Variants in CABIN1 observed in about 807,000 individuals in gnomAD.
The protein encoded by CABIN1 is calcineurin-binding protein cabin-1.
In CABIN1, 133 loss-of-function variants were observed where a neutral mutation model predicts 227.7. The observed-to-expected ratio is 0.58, with a 90% CI of 0.51 to 0.67. CABIN1 has a LOEUF of 0.67. CABIN1 is among the 30% of genes least tolerant of loss of function. The probability of loss-of-function intolerance (pLI) is 0.00; values close to 1 mark genes in which losing one functional copy is unlikely to be tolerated. For synonymous variants in CABIN1, 1,086 were observed against 1,155.1 expected, an observed-to-expected ratio of 0.94 and a Z score of 1.21; for missense variants, 2,408 against 2,852.5, an observed-to-expected ratio of 0.84 and a Z score of 3.55.
At chr22:24,135,409 C>G (rs1331272193) in intron 29 of CABIN1, among the ~76,000 whole-genome samples, 1 of 152,064 alleles carries the variant, frequency 6.6e-6, no homozygotes, top group Non-Finnish European at 1.5e-5. Context: ...AAGAGTGTGA[C>G]CAATATTGGG....
Position 24,134,285 on chromosome 22 carries a change from ACTT to A in CABIN1, c.4633-13_4633-11del, listed in dbSNP as rs778218870. 3.1e-6 allele frequency: 5 copies of A among 1,604,908 alleles called. No individual in the cohort carries two copies. In the African/African-American group the frequency reaches 5.4e-5, roughly 17 times the overall value. On this transcript the variant is annotated splice_polypyrimidine_tract_variant and intron_variant, in intron 28 of 36. Coordinates refer to ENST00000263119, the MANE Select transcript of CABIN1 (RefSeq NM_012295.4). ...CAGCCCACACACTCACTTTCAACCTACTTCTTGTTTCCCCAGAACCTCCAGTGG... is the reference window on the plus strand; with the variant it reads ...CAGCCCACACACTCACTTTCAACCTACTTGTTTCCCCAGAACCTCCAGTGG...
At chr22:24,056,126 GTC>G in intron 9 of CABIN1, 64 bp from the exon 10 acceptor site, 1 of 1,344,344 alleles carries the variant, frequency 7.4e-7, no homozygotes, top group South Asian at 1.2e-5. Flanking sequence ...AGATTGATGT[GTC>G]TGTGTGGTGC....
In CABIN1 at chr22:24,150,330, C is replaced by T. The variant is rs192316393; in HGVS notation, c.4747-14070C>T. Among the ~76,000 whole-genome samples the T allele has an allele frequency of 4.3e-3, 657 of 152,290 alleles. 5 individuals carry two copies. The highest frequency in any genetic ancestry group is 0.013 in the South Asian group (61 of 4,830). On this transcript the variant is annotated intron_variant, in intron 29 of 36. Coordinates refer to ENST00000263119, the MANE Select transcript of CABIN1 (RefSeq NM_012295.4). ...GCTTGGGAGCTCTCCTGGAGGCCTG[C>T]GCTGACCTTGCAGTTGGCCAGATTG... is the stretch of plus-strand genomic sequence containing the variant.
At chr22:24,121,078 G>T (rs6004062) in intron 28 of CABIN1, among the ~76,000 whole-genome samples, 1 of 151,790 alleles carries the variant, frequency 6.6e-6, no homozygotes, top group Admixed American at 6.6e-5. Context: ...GAGAGGGCCA[G>T]GTATGCTGGG....
chr22:24,138,737 G>A (rs2044567046), intron 29 of CABIN1, among the ~76,000 whole-genome samples: 1 of 152,170 alleles, frequency 6.6e-6, no homozygotes, highest in African/African-American at 2.4e-5. Context: ...GGAAGCTCAG[G>A]AACCTGTCCT....
At chr22:24,123,566 G>C (rs1218145182) in intron 28 of CABIN1, among the ~76,000 whole-genome samples, 10 of 152,228 alleles carry the variant, frequency 6.6e-5, no homozygotes, top group Admixed American at 6.5e-4. Flanking sequence ...TAGCTCCCCT[G>C]AGAGCCTGAG....
chr22:24,115,614 C>G (rs1215123219), intron 27 of CABIN1, among the ~76,000 whole-genome samples: 2 of 152,196 alleles, frequency 1.3e-5, no homozygotes, highest in Non-Finnish European at 2.9e-5. Context: ...GAGCAGAGCA[C>G]TCATCCAGGC....
At chr22:24,052,968 C>G (rs2038468732) in intron 8 of CABIN1, among the ~76,000 whole-genome samples, 1 of 151,996 alleles carries the variant, frequency 6.6e-6, no homozygotes. Context: ...AAATGTAACA[C>G]TAACTGAAGG....
chr22:24,084,578 G>C lies in CABIN1; in HGVS notation c.2911-1G>C, dbSNP rs2147074621. 6.2e-7 allele frequency: 1 copy of C among 1,613,216 alleles called. No individual in the cohort carries two copies. Among genetic ancestry groups the C allele is most frequent in the Non-Finnish European group, 8.5e-7 (1 of 1,179,358 alleles). ...AATCTGCCTTCTGTCTTTTTTTCAA[G>C]GTGGATCTTATATGGGAGGATGCAC... is the stretch of plus-strand genomic sequence containing the variant. On this transcript the variant is annotated splice_acceptor_variant, in intron 20 of 36. Transcript: ENST00000263119. LOFTEE classifies it high-confidence loss of function.
rs1288454997 is a variant in CABIN1, at chr22:24,125,778, T to C, written c.4632+6080T>C. Among the ~76,000 whole-genome samples, 4 of 152,258 alleles carry C rather than the reference T, an allele frequency of 2.6e-5. No individual in the cohort carries two copies. In the East Asian group the frequency reaches 5.8e-4, roughly 22 times the overall value. On this transcript the variant is annotated intron_variant, in intron 28 of 36. Transcript: ENST00000263119. Reference sequence around the variant, plus strand: ...CTGCAGCTCCCAACCAGCCAGGTTCTTGTCAAGCTTTAGTTTGTATAGTTT... The same window carrying C: ...CTGCAGCTCCCAACCAGCCAGGTTCCTGTCAAGCTTTAGTTTGTATAGTTT...
At chr22:24,064,568 G>A (rs1366274979) in intron 15 of CABIN1, among the ~76,000 whole-genome samples, 1 of 148,114 alleles carries the variant, frequency 6.8e-6, no homozygotes, top group Non-Finnish European at 1.5e-5. Context: ...TCGCAGAGGG[G>A]GATTTGGCAG....
At position 24,178,525 on chromosome 22, in the gene CABIN1, C is replaced by T. The variant is rs1285877024; in HGVS notation, c.*329C>T. The stretch of plus-strand genomic sequence containing the variant: ...GCTGGCCATATCCACCCCTCGACGC[C>T]GGGATGAGCCGGCTCTGCCTGTGTC... On this transcript the variant is annotated 3_prime_UTR_variant, in exon 37 of 37. Transcript: ENST00000263119. 3.5e-5 allele frequency: 13 copies of T among 376,142 alleles called. No homozygotes were observed. The highest frequency in any genetic ancestry group is 1.0e-4 in the African/African-American group (5 of 48,170). 23.3% of individuals were successfully genotyped at this position (376,142 alleles called of 1,614,324 possible).
chr22:24,022,382 T>C (rs2035786899), intron 1 of CABIN1, among the ~76,000 whole-genome samples: 1 of 152,252 alleles, frequency 6.6e-6, no homozygotes, highest in African/African-American at 2.4e-5. Context: ...CTTTTGAGAC[T>C]GGCTTTTCTC....
intron 7 of CABIN1, among the ~76,000 whole-genome samples, chr22:24,050,470 G>A (rs2038238396): frequency 6.6e-6 from 1 of 152,214 alleles, no homozygotes; most frequent in Admixed American, 6.5e-5. Context: ...GTTGGCATGG[G>A]CAGTATAGGA....
intron 26 of CABIN1, among the ~76,000 whole-genome samples, chr22:24,109,651 A>G (rs547168029): frequency 1.3e-5 from 2 of 152,258 alleles, no homozygotes; most frequent in South Asian, 4.1e-4. Context: ...GGTGGACCCT[A>G]GGGGACTGTG....
Position 24,164,507 on chromosome 22 carries a change from C to T in CABIN1, c.4854C>T (p.Asp1618=). ...LLLKVLAQLR[D]HSTLLKVSSM... is the part of the protein sequence containing the mutation. ...TCAAGGTGCTGGCCCAGCTGCGGGACCACAGCACCCTGCTGAAGGTGTCCT... is the reference window on the plus strand; with the variant it reads ...TCAAGGTGCTGGCCCAGCTGCGGGATCACAGCACCCTGCTGAAGGTGTCCT... Residue 1618 remains aspartate (D), a synonymous_variant, in exon 30 of 37, where the codon GAC becomes GAT. Transcript: ENST00000263119. The T allele has an allele frequency of 6.2e-7, 1 of 1,606,208 alleles. No homozygotes were observed. Among genetic ancestry groups the T allele is most frequent in the Non-Finnish European group, 8.5e-7 (1 of 1,179,946 alleles).
At chr22:24,097,605 A>T (rs1189063344) in intron 25 of CABIN1, among the ~76,000 whole-genome samples, 4 of 152,228 alleles carry the variant, frequency 2.6e-5, no homozygotes, top group Non-Finnish European at 5.9e-5. Context: ...ATATCCTTGT[A>T]CATGTGTGAG....
At chr22:24,148,807 C>T (rs1569284267) in intron 29 of CABIN1, among the ~76,000 whole-genome samples, 1 of 152,236 alleles carries the variant, frequency 6.6e-6, no homozygotes, top group Non-Finnish European at 1.5e-5. Flanking sequence ...GCAGCCTAGG[C>T]TCCTGAGCAG....
In CABIN1 at chr22:24,041,218, C is replaced by T. The variant is rs1251403962; in HGVS notation, c.290C>T (p.Ala97Val). 1 of 1,614,216 alleles carries T rather than the reference C, an allele frequency of 6.2e-7. No individual in the cohort carries two copies. The highest frequency in any genetic ancestry group is 1.7e-5 in the Admixed American group (1 of 60,030). ...AAATATTCCACTTATAAGAACTTGG[C>T]CCAGCTGGCAGCCCAGCGGGAGGAT... The part of the protein sequence containing the change: ...ILKYSTYKNL[A>V]QLAAQREDLE... Residue 97 changes from alanine to valine, a missense_variant, in exon 5 of 37, where the codon GCC (alanine) becomes GTC (valine). By Grantham distance (64) the Ala-to-Val change is moderately conservative. Around this residue, in one of 3 missense-constraint regions of CABIN1, gnomAD observed 1,045 missense variants for 1,168.4 expected, o/e 0.89. Coordinates refer to ENST00000263119, the MANE Select transcript of CABIN1 (RefSeq NM_012295.4).
Sources: allele counts gnomAD v4.1 joint callset (sites outside exome capture counted in the v4.1 genomes callset), GRCh38; gene constraint gnomAD v4.1.1; regional missense constraint gnomAD v4.1.1; transcripts MANE v1.5; gene names NCBI Gene and HGNC (gene_info 2026-07-23, HGNC 2026-07-21).